The following RAPGEF5 variants were observed in gnomAD, a reference collection of about 807,000 sequenced individuals.
RAPGEF5 encodes Rap guanine nucleotide exchange factor 5.
A neutral mutation model predicts 125.2 loss-of-function variants in RAPGEF5; 65 were observed. The ratio of observed to expected loss-of-function variants is 0.52; its 90% CI spans 0.43 to 0.64. The LOEUF is 0.64. Ranked by LOEUF, RAPGEF5 falls within the 30% of genes least tolerant of loss-of-function variation. The probability of loss-of-function intolerance (pLI) is 0.00; values close to 1 mark genes in which losing one functional copy is unlikely to be tolerated. For missense variants in RAPGEF5, 958 were observed against 1,048.1 expected, an observed-to-expected ratio of 0.91 and a Z score of 1.19; for synonymous variants, 391 against 385.9, an observed-to-expected ratio of 1.01 and a Z score of -0.16.
At chr7:22,186,740 C>T (rs1001176854) in intron 11 of RAPGEF5, among the ~76,000 whole-genome samples, 1 of 152,082 alleles carries the variant, frequency 6.6e-6, no homozygotes, top group Non-Finnish European at 1.5e-5. Context: ...TTTATAGAAG[C>T]AGTGTATAAA....
chr7:22,316,483 ATATATATTTTTT>A lies in RAPGEF5; in HGVS notation c.283-1019_283-1008del, dbSNP rs1385927437. Among the ~76,000 whole-genome samples, 61 of 30,442 alleles carry A rather than the reference ATATATATTTTTT, an allele frequency of 2.0e-3. 1 individual carries two copies. In the East Asian group the frequency reaches 0.025, roughly 12 times the overall value. The allele number at this position is 30,442 out of a possible 152,430, so 20.0% of individuals were successfully genotyped here. A position where few individuals can be genotyped will look rare whatever the true frequency, so the allele number is the denominator to read the frequency against. The stretch of plus-strand genomic sequence containing the variant: ...GACATATATATATATATATATATAT[ATATATATTTTTT>A]TTTTTTTTTTTTTGAGGCAGGGTCT... On this transcript the variant is annotated intron_variant, in intron 2 of 25. Transcript: ENST00000665637.
At chr7:22,248,014 G>A (rs766204599) in intron 7 of RAPGEF5, among the ~76,000 whole-genome samples, 6 of 152,082 alleles carry the variant, frequency 3.9e-5, no homozygotes, top group Admixed American at 2.0e-4. Flanking sequence ...AAACTATTAC[G>A]TACCATGCTC....
rs777202052 is a variant in RAPGEF5, at chr7:22,167,130, A to C, written c.1223T>G (p.Phe408Cys). 6.2e-7 allele frequency: 1 copy of C among 1,613,028 alleles called. No homozygotes were observed. The highest frequency in any genetic ancestry group is 8.5e-7 in the Non-Finnish European group (1 of 1,179,428). Residue 408 changes from phenylalanine to cysteine, a missense_variant, in exon 12 of 26, where the codon TTC (phenylalanine) becomes TGC (cysteine). Coordinates refer to ENST00000665637, the MANE Select transcript of RAPGEF5 (RefSeq NM_012294.5). ...DKETETLLDD[F>C]LLTYTVFMTT... ...CATGAAGACAGTGTACGTGAGAAGGAAGTCATCCAGGAGGGTCTCTGCAAA... is the reference window on the plus strand; with the variant it reads ...CATGAAGACAGTGTACGTGAGAAGGCAGTCATCCAGGAGGGTCTCTGCAAA...
chr7:22,290,995 G>T (rs1782922323), intron 6 of RAPGEF5, among the ~76,000 whole-genome samples, 180 bp downstream of exon 6: 1 of 151,986 alleles, frequency 6.6e-6, no homozygotes, highest in Non-Finnish European at 1.5e-5. Flanking sequence ...ATGAAGGGAG[G>T]CTCCATCCCC....
intron 1 of RAPGEF5, among the ~76,000 whole-genome samples, chr7:22,352,782 G>A (rs892498901): frequency 2.0e-5 from 3 of 152,140 alleles, no homozygotes; most frequent in Non-Finnish European, 2.9e-5. Flanking sequence ...AATTTCAGGA[G>A]ACCTAAATAA....
chr7:22,259,005 T>C (rs986036516), intron 7 of RAPGEF5, among the ~76,000 whole-genome samples: 4 of 152,098 alleles, frequency 2.6e-5, no homozygotes, highest in South Asian at 4.2e-4. Context: ...CGAGAAAAAA[T>C]TGATAAGCTA....
intron 1 of RAPGEF5, among the ~76,000 whole-genome samples, chr7:22,353,728 C>T (rs757810298): frequency 2.0e-4 from 30 of 152,204 alleles, no homozygotes; most frequent in African/African-American, 3.9e-4. Context: ...TTAGTCTTTC[C>T]CTCATTTGTC....
chr7:22,122,554 A>G, intron 25 of RAPGEF5, 33 bp from the exon 26 acceptor site: 1 of 1,488,734 alleles, frequency 6.7e-7, no homozygotes, highest in Non-Finnish European at 9.4e-7. Flanking sequence ...AGACAATCTC[A>G]GGAGAGCAGT....
intron 6 of RAPGEF5, among the ~76,000 whole-genome samples, chr7:22,271,492 T>A (rs530165557): frequency 6.6e-6 from 1 of 152,216 alleles, no homozygotes; most frequent in African/African-American, 2.4e-5. Flanking sequence ...CTTACTATAG[T>A]AGCAGTTCGA....
At chr7:22,282,787 T>G (rs989425997) in intron 6 of RAPGEF5, among the ~76,000 whole-genome samples, 2 of 152,228 alleles carry the variant, frequency 1.3e-5, no homozygotes, top group Non-Finnish European at 2.9e-5. Context: ...CATTAACAAC[T>G]GCAAACAAGT....
At chr7:22,245,809 C>G (rs1291881350) in intron 7 of RAPGEF5, among the ~76,000 whole-genome samples, 2 of 152,096 alleles carry the variant, frequency 1.3e-5, no homozygotes, top group African/African-American at 2.4e-5. Context: ...AAAACTATCT[C>G]TCTTCACTGA....
intron 8 of RAPGEF5, 147 bp downstream of exon 8, chr7:22,230,699 T>C: frequency 2.9e-6 from 2 of 687,182 alleles, no homozygotes; most frequent in Admixed American, 3.1e-5. Context: ...AATACCTTTA[T>C]ATCAAAACTG....
chr7:22,254,564 C>T (rs376309069), intron 7 of RAPGEF5, among the ~76,000 whole-genome samples: 150 of 146,440 alleles, frequency 1.0e-3, no homozygotes, highest in Middle Eastern at 6.8e-3. Context: ...GCTGAGATCG[C>T]GCCATTGCAC....
At chr7:22,177,542 C>G (rs952987241) in intron 11 of RAPGEF5, among the ~76,000 whole-genome samples, 7 of 152,242 alleles carry the variant, frequency 4.6e-5, no homozygotes, top group Admixed American at 4.6e-4. Flanking sequence ...GTTAAATATA[C>G]TCAAAACAGC....
intron 4 of RAPGEF5, among the ~76,000 whole-genome samples, chr7:22,309,220 G>A (rs1255153627): frequency 6.6e-6 from 1 of 152,204 alleles, no homozygotes; most frequent in Admixed American, 6.5e-5. Context: ...TTCAAAGGTA[G>A]TTAACTAATT....
intron 23 of RAPGEF5, 77 bp downstream of exon 23, chr7:22,135,960 CT>C (rs1406535368): frequency 6.9e-6 from 8 of 1,164,556 alleles, no homozygotes; most frequent in Admixed American, 4.8e-5. Flanking sequence ...ATGAGAGTCC[CT>C]TTTTTGCCCT....
intron 7 of RAPGEF5, among the ~76,000 whole-genome samples, chr7:22,261,238 T>C (rs1782148470): frequency 6.6e-6 from 1 of 151,990 alleles, no homozygotes; most frequent in African/African-American, 2.4e-5. Context: ...TTATTTACAA[T>C]GGAAAAAAAA....
At chr7:22,153,461 G>C (rs1783696737) in intron 17 of RAPGEF5, among the ~76,000 whole-genome samples, 1 of 152,088 alleles carries the variant, frequency 6.6e-6, no homozygotes, top group Non-Finnish European at 1.5e-5. Flanking sequence ...AGCCCTGGGA[G>C]AGGTGGAGGG....
chr7:22,230,790 TCAC>T (rs1717029643), intron 8 of RAPGEF5, 53 bp downstream of exon 8: 2 of 1,464,254 alleles, frequency 1.4e-6, no homozygotes, highest in African/African-American at 2.8e-5. Context: ...CTGCACTGTC[TCAC>T]CACCCTCAAC....
Sources: allele counts gnomAD v4.1 joint callset (sites outside exome capture counted in the v4.1 genomes callset), GRCh38; gene constraint gnomAD v4.1.1; transcripts MANE v1.5; gene names NCBI Gene and HGNC (gene_info 2026-07-23, HGNC 2026-07-21).